Variants in DHX33 observed in about 807,000 individuals in gnomAD.
DHX33 encodes the protein DEAH-box helicase 33, also known as ATP-dependent RNA helicase DHX33.
Under a neutral mutation model 72.5 loss-of-function variants are expected in DHX33, and 42 were observed. The observed-to-expected ratio is 0.58, with a 90% CI of 0.45 to 0.75. The LOEUF (loss-of-function observed/expected upper bound fraction) is 0.75. Among genes scored for constraint, DHX33 ranks in the 30% least tolerant of loss-of-function variants. DHX33 has a pLI of 0.00. For synonymous variants in DHX33, 358 were observed against 366.1 expected (o/e 0.98, Z 0.25); for missense variants, 842 against 917.5 (o/e 0.92, Z 1.06).
Position 5,451,387 on chromosome 17 carries a change from G to C in DHX33, c.1397-453C>G, listed in dbSNP as rs557146425. Among the ~76,000 whole-genome samples, 9 of 152,304 alleles carry C rather than the reference G, an allele frequency of 5.9e-5. No homozygotes were observed. The South Asian group carries it at 1.9e-3, about 32-fold the overall frequency. ...CCCAAAGTGCTAGGATTACAGGTGT[G>C]AGCCACCATGCCCAGCCTCAATTTT... On this transcript the variant is annotated intron_variant, in intron 8 of 11. Transcript: ENST00000225296.
chr17:5,448,704 A>G (rs1249784224), intron 11 of DHX33, 105 bp downstream of exon 11: 2 of 755,286 alleles, frequency 2.6e-6, no homozygotes, highest in Non-Finnish European at 4.0e-6. Context: ...AATTTGCTAC[A>G]ATGAGAAATC....
chr17:5,461,983 A>T (rs867097671), intron 3 of DHX33, among the ~76,000 whole-genome samples: 1 of 128,074 alleles, frequency 7.8e-6, no homozygotes, highest in African/African-American at 3.2e-5. Flanking sequence ...TCTGTCACCC[A>T]GGCTGGAGTG....
At chr17:5,453,381 C>T (rs1372104810) in intron 8 of DHX33, among the ~76,000 whole-genome samples, 199 bp downstream of exon 8, 1 of 152,168 alleles carries the variant, frequency 6.6e-6, no homozygotes, top group African/African-American at 2.4e-5. Context: ...CACAGTGAGA[C>T]CCTGTCTCTT....
At chr17:5,462,771 C>T (rs1224342913) in intron 2 of DHX33, among the ~76,000 whole-genome samples, 1 of 152,120 alleles carries the variant, frequency 6.6e-6, no homozygotes, top group Non-Finnish European at 1.5e-5. Context: ...TAACCTTCTA[C>T]CTCAAGCTAT....
chr17:5,463,266 G>A (rs1042992319), intron 2 of DHX33, among the ~76,000 whole-genome samples: 1 of 152,100 alleles, frequency 6.6e-6, no homozygotes, highest in Admixed American at 6.5e-5. Context: ...ATAGATAAGA[G>A]AGTTAAGAGA....
At chr17:5,453,489 G>C in intron 8 of DHX33, 91 bp downstream of exon 8, 1 of 1,000,412 alleles carries the variant, frequency 1.0e-6, no homozygotes, top group Non-Finnish European at 1.6e-6. Context: ...AACAAAAGGA[G>C]ATGACCAATA....
chr17:5,465,000 C>T (rs935241899), intron 1 of DHX33, among the ~76,000 whole-genome samples: 5 of 152,342 alleles, frequency 3.3e-5, no homozygotes, highest in East Asian at 3.9e-4. Flanking sequence ...TGTACAGAAG[C>T]GTTTAAATGT....
chr17:5,467,416 G>A (rs1273118935), intron 1 of DHX33, among the ~76,000 whole-genome samples: 3 of 152,078 alleles, frequency 2.0e-5, no homozygotes, highest in Non-Finnish European at 2.9e-5. Flanking sequence ...ATAGGGTCTG[G>A]ATTGACAAAG....
rs367692511 is a variant in DHX33, at chr17:5,450,152, T to C, written c.1728+51A>G. The C allele has an allele frequency of 5.0e-6, 8 of 1,606,284 alleles. No individual in the cohort carries two copies. The East Asian group carries it at 1.1e-4, about 22-fold the overall frequency. ...GCTTCAGTAGAAAAAGGGAAGCACA[T>C]AGCAGAGACAAGCAGCTATCGCTGG... On this transcript the variant is annotated intron_variant, in intron 10 of 11. Transcript: ENST00000225296.
intron 8 of DHX33, among the ~76,000 whole-genome samples, chr17:5,452,169 T>C (rs1916948409): frequency 6.6e-6 from 1 of 152,118 alleles, no homozygotes. Flanking sequence ...TCTTCATTTG[T>C]ATGTAAGAAT....
At chr17:5,468,215 CT>C (rs748208786) in intron 1 of DHX33, among the ~76,000 whole-genome samples, 19 of 152,332 alleles carry the variant, frequency 1.2e-4, no homozygotes, top group Non-Finnish European at 2.5e-4. Context: ...CTCAAACGGG[CT>C]TTCCCCCCTG....
Position 5,461,098 on chromosome 17 carries a change from C to T in DHX33, c.690G>A (p.Met230Ile). 6.2e-7 allele frequency: 1 copy of T among 1,608,212 alleles called. No homozygotes were observed. The highest frequency in any genetic ancestry group is 1.3e-5 in the African/African-American group (1 of 74,874). ...ACAGGTCCACATCCATCGTAGCTGACATCACAATCACCTGCATAAGAGAAC... is the reference window on the plus strand; with the variant it reads ...ACAGGTCCACATCCATCGTAGCTGATATCACAATCACCTGCATAAGAGAAC... ...LGKLPLKVIV[M>I]SATMDVDLFS... Residue 230 changes from methionine to isoleucine, a missense_variant, in exon 4 of 12, where the codon ATG (methionine) becomes ATA (isoleucine). Transcript: ENST00000225296.
intron 8 of DHX33, among the ~76,000 whole-genome samples, chr17:5,453,095 T>C (rs1917022100): frequency 6.6e-6 from 1 of 152,332 alleles, no homozygotes. Context: ...GGCAAAGAAA[T>C]GTGATCTTTG....
At position 5,462,500 on chromosome 17, in the gene DHX33, C is replaced by T; in HGVS notation, c.497G>A (p.Arg166Lys). The change falls in exon 3 of 12, where the codon AGG (arginine) becomes AAG (lysine). Residue 166 changes from arginine (R) to lysine (K), a missense_variant. Physicochemically the swap from Arg to Lys is conservative, Grantham distance 26 (BLOSUM62 2). Coordinates refer to ENST00000225296, the MANE Select transcript of DHX33 (RefSeq NM_020162.4). ...RFDDVTSEDT[R>K]IKFLTDGMLL... ...CATGCCATCTGTCAGAAACTTGATC[C>T]TGGTGTCTTCTGAGGTGACATCATC... The T allele has an allele frequency of 6.2e-7, 1 of 1,614,200 alleles. No individual in the cohort carries two copies. Among genetic ancestry groups the T allele is most frequent in the South Asian group, 1.1e-5 (1 of 91,086 alleles).
rs774779006 is a variant in DHX33, at chr17:5,460,971, C to T, written c.817G>A (p.Ala273Thr). The T allele has an allele frequency of 1.1e-5, 17 of 1,613,680 alleles. No individual in the cohort carries two copies. The highest frequency in any genetic ancestry group is 4.0e-5 in the African/African-American group (3 of 75,022). ...TKQPQNDYLH[A>T]ALVSVFQIHQ... ...ATCTGGAAGACGGAGACAAGCGCGGCGTGCAGGTAATCATTCTGAGGCTGT... is the reference window on the plus strand; with the variant it reads ...ATCTGGAAGACGGAGACAAGCGCGGTGTGCAGGTAATCATTCTGAGGCTGT... Residue 273 changes from alanine to threonine, a missense_variant, in exon 4 of 12, where the codon GCC (alanine) becomes ACC (threonine). Physicochemically the swap from Ala to Thr is moderately conservative, Grantham distance 58. Transcript: ENST00000225296.
chr17:5,447,112 T>C (rs928927162), intron 11 of DHX33, among the ~76,000 whole-genome samples: 8 of 152,220 alleles, frequency 5.3e-5, no homozygotes, highest in African/African-American at 1.9e-4. Flanking sequence ...AAAAGAACAC[T>C]TCCGCTACCC....
intron 9 of DHX33, among the ~76,000 whole-genome samples, 173 bp from the exon 10 acceptor site, chr17:5,450,579 G>A (rs1381346184): frequency 6.6e-6 from 1 of 152,182 alleles, no homozygotes; most frequent in Non-Finnish European, 1.5e-5. Context: ...CAATAAAACA[G>A]GTGACTGCCT....
intron 3 of DHX33, among the ~76,000 whole-genome samples, chr17:5,461,518 C>G (rs912268097): frequency 6.6e-6 from 1 of 150,950 alleles, no homozygotes; most frequent in African/African-American, 2.4e-5. Flanking sequence ...ACTTGGGAGG[C>G]TGAGGTAAGC....
At position 5,450,655 on chromosome 17, in the gene DHX33, T is replaced by G. The variant is rs1916862697; in HGVS notation, c.1524+152A>C. On this transcript the variant is annotated intron_variant, in intron 9 of 11. Coordinates refer to ENST00000225296, the MANE Select transcript of DHX33 (RefSeq NM_020162.4). ...AACTTCATCTCTTTGAATCCCACACTGAACATGAATCAGGGCTATTTGCAA... is the reference window on the plus strand; with the variant it reads ...AACTTCATCTCTTTGAATCCCACACGGAACATGAATCAGGGCTATTTGCAA... 1.4e-5 allele frequency: 18 copies of G among 1,253,980 alleles called. No individual in the cohort carries two copies. In the South Asian group the frequency reaches 2.6e-4, roughly 18 times the overall value. The allele number at this position is 1,253,980 out of a possible 1,614,324, so 77.7% of individuals were successfully genotyped here.
Sources: gnomAD v4.1 joint callset for allele counts (sites outside exome capture counted in the v4.1 genomes callset) on GRCh38, gnomAD v4.1.1 for gene constraint, MANE v1.5 for transcripts, NCBI Gene and HGNC (gene_info 2026-07-23, HGNC 2026-07-21) for gene names.